The following C1orf21 variants were observed in gnomAD, a reference collection of about 807,000 sequenced individuals.
C1orf21 encodes chromosome 1 open reading frame 21, also known as uncharacterized protein C1orf21.
C1orf21 carries 3 observed loss-of-function variants against 18.7 expected under a neutral mutation model. That is an observed-to-expected ratio of 0.16 (90% CI 0.07 to 0.42). The LOEUF is 0.42. C1orf21 is among the 10% of genes least tolerant of loss of function. The pLI, the probability that C1orf21 is intolerant of heterozygous loss-of-function variation, is 0.99. For missense variants in C1orf21, 104 were observed against 143.6 expected (o/e 0.72, Z 1.41); for synonymous variants, 41 against 46.4 (o/e 0.88, Z 0.47).
At chr1:184,575,699 A>G (rs991743123) in intron 3 of C1orf21, among the ~76,000 whole-genome samples, 1 of 151,932 alleles carries the variant, frequency 6.6e-6, no homozygotes, top group Non-Finnish European at 1.5e-5. Flanking sequence ...GTATACTAAT[A>G]GAAAAAAAAT....
Position 184,622,044 on chromosome 1 carries a change from T to C in C1orf21, c.*2488T>C, listed in dbSNP as rs1196033317. ...ATTGTCAAGTGATTCGTGTTTGTAC[T>C]TTATTTTTTTGTGCCTTCTGAAAGG... On this transcript the variant is annotated 3_prime_UTR_variant, in exon 6 of 6. Transcript: ENST00000235307. 1.3e-5 allele frequency: 2 copies of C among 152,270 alleles called. No homozygotes were observed. The highest frequency in any genetic ancestry group is 2.9e-5 in the Non-Finnish European group (2 of 68,052). 9.4% of individuals were successfully genotyped at this position (152,270 alleles called of 1,614,324 possible). A position where few individuals can be genotyped will look rare whatever the true frequency, so the allele number is the denominator to read the frequency against.
At chr1:184,459,292 G>A (rs996604019) in intron 1 of C1orf21, among the ~76,000 whole-genome samples, 2 of 152,210 alleles carry the variant, frequency 1.3e-5, no homozygotes, top group African/African-American at 4.8e-5. Context: ...GTTATTCCTG[G>A]AGAGGGTGAA....
At chr1:184,499,002 C>T (rs1557987333) in intron 2 of C1orf21, among the ~76,000 whole-genome samples, 1 of 152,110 alleles carries the variant, frequency 6.6e-6, no homozygotes, top group Non-Finnish European at 1.5e-5. Context: ...AAGCTGTTGT[C>T]AGCATTAAAT....
Position 184,547,946 on chromosome 1 carries a change from C to T in C1orf21, c.189+40264C>T, listed in dbSNP as rs1051294188. ...ATTGGAAATGGATACCTGCTATGGC[C>T]ACGGTGGCACTGGCTGCTGTCCCAT... On this transcript the variant is annotated intron_variant, in intron 3 of 5. Coordinates refer to ENST00000235307, the MANE Select transcript of C1orf21 (RefSeq NM_030806.4). Among the ~76,000 whole-genome samples the T allele has an allele frequency of 8.5e-5, 13 of 152,224 alleles. No homozygotes were observed. The East Asian group carries it at 9.7e-4, about 11-fold the overall frequency.
At chr1:184,393,330 GC>G (rs374889966) in intron 1 of C1orf21, among the ~76,000 whole-genome samples, 263 of 151,966 alleles carry the variant, frequency 1.7e-3, no homozygotes, top group African/African-American at 6.1e-3. Context: ...GTCCTACTTT[GC>G]CCCACACCTC....
intron 3 of C1orf21, among the ~76,000 whole-genome samples, chr1:184,533,597 A>G (rs1479790563): frequency 6.6e-6 from 1 of 152,174 alleles, no homozygotes; most frequent in Non-Finnish European, 1.5e-5. Context: ...TTTTTCAGCT[A>G]TTGGTTCTTT....
chr1:184,600,582 CAAAAT>C (rs1659573507), intron 5 of C1orf21, among the ~76,000 whole-genome samples: 1 of 152,066 alleles, frequency 6.6e-6, no homozygotes, highest in Non-Finnish European at 1.5e-5. Context: ...TAGAGTACAA[CAAAAT>C]AAAGAGTAAT....
At chr1:184,458,377 G>A (rs1183625148) in intron 1 of C1orf21, among the ~76,000 whole-genome samples, 2 of 152,162 alleles carry the variant, frequency 1.3e-5, no homozygotes, top group Non-Finnish European at 2.9e-5. Context: ...ATACTAGGTA[G>A]GGGTAGAAGG....
chr1:184,426,053 T>C (rs997608628), intron 1 of C1orf21, among the ~76,000 whole-genome samples: 1 of 152,198 alleles, frequency 6.6e-6, no homozygotes, highest in South Asian at 2.1e-4. Flanking sequence ...CCTTCTGGCA[T>C]CATCCCGATC....
intron 3 of C1orf21, among the ~76,000 whole-genome samples, chr1:184,574,768 G>A (rs1323533969): frequency 1.3e-5 from 2 of 152,150 alleles, no homozygotes; most frequent in African/African-American, 4.8e-5. Flanking sequence ...AAGCCTCCTA[G>A]TGAAAGAGTC....
intron 1 of C1orf21, among the ~76,000 whole-genome samples, chr1:184,451,441 C>T (rs57790643): frequency 0.15 from 22,280 of 151,286 alleles, 1,704 homozygotes; most frequent in Middle Eastern, 0.2. Flanking sequence ...TAGGCATACA[C>T]CATCATGCCT....
intron 2 of C1orf21, among the ~76,000 whole-genome samples, chr1:184,491,677 C>T (rs930422731): frequency 6.6e-6 from 1 of 152,062 alleles, no homozygotes; most frequent in African/African-American, 2.4e-5. Context: ...TAGCAGTAAC[C>T]GTTATGGTTA....
At chr1:184,396,217 A>G (rs1403454926) in intron 1 of C1orf21, among the ~76,000 whole-genome samples, 1 of 152,196 alleles carries the variant, frequency 6.6e-6, no homozygotes, top group Non-Finnish European at 1.5e-5. Context: ...GGTCACTGAA[A>G]GATTATAAAG....
intron 2 of C1orf21, among the ~76,000 whole-genome samples, chr1:184,500,335 G>A (rs1427522640): frequency 6.6e-6 from 1 of 152,150 alleles, no homozygotes; most frequent in Non-Finnish European, 1.5e-5. Flanking sequence ...GTGTTGTCTG[G>A]CCTCGGGAAT....
chr1:184,439,428 G>A (rs565911925), intron 1 of C1orf21, among the ~76,000 whole-genome samples: 1 of 150,480 alleles, frequency 6.6e-6, no homozygotes, highest in African/African-American at 2.5e-5. Context: ...ACTACCCAAG[G>A]GCTATCTATC....
chr1:184,583,729 T>C (rs1659314134), intron 3 of C1orf21, among the ~76,000 whole-genome samples: 1 of 152,204 alleles, frequency 6.6e-6, no homozygotes, highest in African/African-American at 2.4e-5. Flanking sequence ...GAGTGGGGCC[T>C]GGGAAACTCT....
intron 1 of C1orf21, among the ~76,000 whole-genome samples, chr1:184,476,586 T>C (rs949743796): frequency 3.3e-5 from 5 of 152,334 alleles, no homozygotes; most frequent in African/African-American, 1.2e-4. Flanking sequence ...TAAGTCAATT[T>C]GAAGATTATC....
At chr1:184,511,611 A>G (rs1403232450) in intron 3 of C1orf21, among the ~76,000 whole-genome samples, 1 of 152,196 alleles carries the variant, frequency 6.6e-6, no homozygotes, top group East Asian at 1.9e-4. Flanking sequence ...ATAGGTATAC[A>G]TTTAGATCAA....
chr1:184,558,397 TA>T (rs1411267853), intron 3 of C1orf21, among the ~76,000 whole-genome samples: 1 of 152,228 alleles, frequency 6.6e-6, no homozygotes, highest in East Asian at 1.9e-4. Context: ...CGTGCTGTTT[TA>T]AAAAAATTTT....
Sources: allele counts gnomAD v4.1 joint callset (sites outside exome capture counted in the v4.1 genomes callset), GRCh38; gene constraint gnomAD v4.1.1; transcripts MANE v1.5; gene names NCBI Gene and HGNC (gene_info 2026-07-23, HGNC 2026-07-21).